The following ZRANB1 variants were observed in gnomAD, a reference collection of about 807,000 sequenced individuals.
ZRANB1 encodes the protein zinc finger RANBP2-type containing 1.
In ZRANB1, 16 loss-of-function variants were observed where a neutral mutation model predicts 80.5. The ratio of observed to expected loss-of-function variants is 0.20; its 90% CI spans 0.13 to 0.30. The LOEUF is 0.30. ZRANB1 is among the 10% of genes least tolerant of loss of function. The probability of loss-of-function intolerance (pLI) is 1.00; values close to 1 mark genes in which losing one functional copy is unlikely to be tolerated. For missense variants in ZRANB1, 576 were observed against 862.6 expected (o/e 0.67, Z 4.16); for synonymous variants, 291 against 293.1 (o/e 0.99, Z 0.07).
chr10:124,954,446 GTT>G (rs1227693538), intron 1 of ZRANB1, among the ~76,000 whole-genome samples: 21 of 123,594 alleles, frequency 1.7e-4, no homozygotes, highest in Non-Finnish European at 2.6e-4. Flanking sequence ...TACATTAAAA[GTT>G]TTTTTTTTTT....
chr10:124,919,908 G>GCCCCCCCCC, the ZRANB1 span, among the ~76,000 whole-genome samples: 1 of 56,682 alleles, frequency 1.8e-5, no homozygotes, highest in African/African-American at 8.5e-5. Context: ...ACCGCGCCCG[G>GCCCCCCCCC]CCCCCCCCCC....
At chr10:124,970,833 GTTTT>G (rs34391929) in intron 2 of ZRANB1, among the ~76,000 whole-genome samples, 3 of 85,372 alleles carry the variant, frequency 3.5e-5, no homozygotes, top group Non-Finnish European at 6.4e-5. Context: ...TCTCTTTGGG[GTTTT>G]TTTTTTTTTT....
chr10:124,944,203 T>G (rs928271055), intron 1 of ZRANB1, among the ~76,000 whole-genome samples: 1 of 152,108 alleles, frequency 6.6e-6, no homozygotes, highest in African/African-American at 2.4e-5. Context: ...TTGAGTAGAT[T>G]AGATGTTTGA....
upstream of ZRANB1, among the ~76,000 whole-genome samples, chr10:124,941,768 T>G (rs1402842961): frequency 1.3e-5 from 2 of 152,216 alleles, no homozygotes; most frequent in Non-Finnish European, 2.9e-5. Context: ...TTCCACAGAT[T>G]TAATTTTCCC....
intron 1 of ZRANB1, among the ~76,000 whole-genome samples, chr10:124,944,415 T>C (rs1951561958): frequency 6.6e-6 from 1 of 151,974 alleles, no homozygotes; most frequent in African/African-American, 2.4e-5. Flanking sequence ...TTTAGGTGTA[T>C]GAACCTGTGA....
chr10:124,971,493 C>T (rs908816612), intron 2 of ZRANB1, among the ~76,000 whole-genome samples: 1 of 152,152 alleles, frequency 6.6e-6, no homozygotes, highest in Admixed American at 6.5e-5. Context: ...GGAACTAACC[C>T]TTTAAATACC....
intron 1 of ZRANB1, among the ~76,000 whole-genome samples, chr10:124,963,554 G>GTTTT (rs760813299): frequency 5.2e-3 from 299 of 57,320 alleles, no homozygotes; most frequent in East Asian, 8.0e-3. Flanking sequence ...TTTTTTGTTT[G>GTTTT]TTTTTTTTTT....
chr10:124,926,896 A>G, the ZRANB1 span, among the ~76,000 whole-genome samples: 4 of 152,182 alleles, frequency 2.6e-5, no homozygotes, highest in African/African-American at 4.8e-5. Flanking sequence ...TATGGGGACT[A>G]CTGTCACATA....
Position 124,984,996 on chromosome 10 carries a change from A to T in ZRANB1, c.*4A>T. 1 of 1,603,576 alleles carries T rather than the reference A, an allele frequency of 6.2e-7. No homozygotes were observed. The highest frequency in any genetic ancestry group is 8.5e-7 in the Non-Finnish European group (1 of 1,173,336). On this transcript the variant is annotated 3_prime_UTR_variant, in exon 9 of 9. Coordinates refer to ENST00000359653, the MANE Select transcript of ZRANB1 (RefSeq NM_017580.3). ...TGAGGATGATGAAGATGAATGAAAA[A>T]AAAAATCAAACAGCAGAAGACCAAG...
chr10:124,981,929 G>A (rs780441859), intron 6 of ZRANB1, 100 bp downstream of exon 6: 38 of 1,442,692 alleles, frequency 2.6e-5, no homozygotes, highest in Non-Finnish European at 3.3e-5. Context: ...TGTGGTCAAA[G>A]AAAAGAATGC....
chr10:124,980,057 TG>T (rs1356627217), intron 5 of ZRANB1, among the ~76,000 whole-genome samples: 3 of 152,248 alleles, frequency 2.0e-5, no homozygotes, highest in Non-Finnish European at 4.4e-5. Context: ...TATCGATTTT[TG>T]TAAAAAAGAC....
At chr10:124,974,126 A>T in intron 4 of ZRANB1, 74 bp from the exon 5 acceptor site, 2 of 1,451,686 alleles carry the variant, frequency 1.4e-6, no homozygotes, top group Non-Finnish European at 1.9e-6. Flanking sequence ...GCTAGAAAAT[A>T]GGTTCTTCTC....
chr10:124,926,958 TC>T, the ZRANB1 span, among the ~76,000 whole-genome samples: 2 of 152,180 alleles, frequency 1.3e-5, no homozygotes, highest in Non-Finnish European at 2.9e-5. Flanking sequence ...ACTGTAATTC[TC>T]TTTTTTTCTT....
At chr10:124,921,057 G>T in the ZRANB1 span, among the ~76,000 whole-genome samples, 1,527 of 152,278 alleles carry the variant, frequency 0.01, 10 homozygotes, top group Non-Finnish European at 0.016. Context: ...ATGTTTATAT[G>T]TATTATCAGC....
At chr10:124,934,953 C>T in the ZRANB1 span, among the ~76,000 whole-genome samples, 3 of 152,166 alleles carry the variant, frequency 2.0e-5, no homozygotes, top group Non-Finnish European at 4.4e-5. Flanking sequence ...AGGAGAATGT[C>T]TTGGAAGCCA....
At chr10:124,921,252 G>T in the ZRANB1 span, among the ~76,000 whole-genome samples, 1 of 152,322 alleles carries the variant, frequency 6.6e-6, no homozygotes, top group East Asian at 1.9e-4. Context: ...AGCATCATGG[G>T]AAGGAGAAAA....
At chr10:124,949,374 C>G (rs1487283808) in intron 1 of ZRANB1, among the ~76,000 whole-genome samples, 1 of 148,840 alleles carries the variant, frequency 6.7e-6, no homozygotes, top group Non-Finnish European at 1.5e-5. Flanking sequence ...GGAAAAAAAT[C>G]AAACTTAAGT....
chr10:124,932,285 T>A, the ZRANB1 span, among the ~76,000 whole-genome samples: 1 of 22,542 alleles, frequency 4.4e-5, no homozygotes, highest in Non-Finnish European at 2.0e-4. Flanking sequence ...GTAAAGATTT[T>A]TTTTTTTTTT....
At position 124,954,140 on chromosome 10, in the gene ZRANB1, G is replaced by GTTTTTTT. The variant is rs55962412; in HGVS notation, c.814+10853_814+10859dup. On this transcript the variant is annotated intron_variant, in intron 1 of 8. Transcript: ENST00000359653. ...GCACCACCATCCCCAGCTAATTCCTGTTTTTTTTTTTTTTTTTTTTTTTTT... is the reference window on the plus strand; with the variant it reads ...GCACCACCATCCCCAGCTAATTCCTGTTTTTTTTTTTTTTTTTTTTTTTTTTTTTTTT... Among the ~76,000 whole-genome samples, 18 of 52,534 alleles carry GTTTTTTT rather than the reference G, an allele frequency of 3.4e-4. 1 individual carries two copies. Among genetic ancestry groups the GTTTTTTT allele is most frequent in the African/African-American group, 7.5e-4 (9 of 11,940 alleles). The allele number at this position is 52,534 out of a possible 152,430, so 34.5% of individuals were successfully genotyped here. A position where few individuals can be genotyped will look rare whatever the true frequency, so the allele number is the denominator to read the frequency against.
Sources: allele counts gnomAD v4.1 joint callset (sites outside exome capture counted in the v4.1 genomes callset), GRCh38; gene constraint gnomAD v4.1.1; transcripts MANE v1.5; gene names NCBI Gene and HGNC (gene_info 2026-07-23, HGNC 2026-07-21).